Variants in SYN3 observed in about 807,000 individuals in gnomAD.
SYN3 encodes synapsin-3.
In SYN3, 35 loss-of-function variants were observed where a neutral mutation model predicts 65.8. The observed-to-expected ratio is 0.53, with a 90% confidence interval of 0.41 to 0.70. SYN3 has a LOEUF of 0.70. SYN3 is among the 30% of genes least tolerant of loss of function. The probability of loss-of-function intolerance (pLI) is 0.00; values close to 1 mark genes in which losing one functional copy is unlikely to be tolerated. For synonymous variants in SYN3, 270 were observed against 292.9 expected, an observed-to-expected ratio of 0.92 and a Z score of 0.80; for missense variants, 680 against 749.0, an observed-to-expected ratio of 0.91 and a Z score of 1.08.
chr22:32,749,716 GTCT>G (rs2045054439), intron 6 of SYN3, among the ~76,000 whole-genome samples: 2 of 152,126 alleles, frequency 1.3e-5, no homozygotes, highest in African/African-American at 2.4e-5. Flanking sequence ...TACGGCATTA[GTCT>G]TCTCTGAAGA....
chr22:32,765,997 TGA>T (rs1008495867), intron 6 of SYN3, among the ~76,000 whole-genome samples: 19 of 152,188 alleles, frequency 1.2e-4, no homozygotes, highest in Admixed American at 6.5e-5. Flanking sequence ...TTTGTCCAGA[TGA>T]GAGAGGCTGG....
chr22:32,737,424 T>C lies in SYN3; in HGVS notation c.711+127491A>G, dbSNP rs536498231. On this transcript the variant is annotated intron_variant, in intron 6 of 13. Coordinates refer to ENST00000358763, the MANE Select transcript of SYN3 (RefSeq NM_003490.4). ...TTGGTGTGCTGCACCCATTAACTCG[T>C]CATTTAACCTTAGGTATATCTCCTA... 2.3e-3 allele frequency among the ~76,000 whole-genome samples: 344 copies of C among 152,254 alleles called. 7 individuals are homozygous for C. Among genetic ancestry groups the C allele is most frequent in the Non-Finnish European group, 3.1e-3 (212 of 68,032 alleles).
chr22:33,013,218 G>A (rs1334324388), intron 1 of SYN3, among the ~76,000 whole-genome samples: 3 of 152,150 alleles, frequency 2.0e-5, no homozygotes, highest in Admixed American at 6.5e-5. Flanking sequence ...GTTAGTCAAA[G>A]GCTTCTCAGG....
chr22:32,946,380 G>A (rs1189977968), intron 3 of SYN3, among the ~76,000 whole-genome samples: 6 of 152,120 alleles, frequency 3.9e-5, no homozygotes, highest in Non-Finnish European at 7.3e-5. Flanking sequence ...GGATGAGTTC[G>A]TGTCCTTTGT....
At chr22:32,739,920 AC>A (rs2061383344) in intron 6 of SYN3, among the ~76,000 whole-genome samples, 1 of 152,234 alleles carries the variant, frequency 6.6e-6, no homozygotes, top group South Asian at 2.1e-4. Context: ...GTCCTGCTGC[AC>A]CCCCTACACA....
intron 6 of SYN3, among the ~76,000 whole-genome samples, chr22:32,708,730 T>C (rs2060913728): frequency 6.6e-6 from 1 of 152,136 alleles, no homozygotes; most frequent in African/African-American, 2.4e-5. Context: ...CACACCTTCT[T>C]CCAAGAGGAA....
intron 4 of SYN3, among the ~76,000 whole-genome samples, chr22:32,872,551 A>G (rs2048876738): frequency 6.6e-6 from 1 of 152,196 alleles, no homozygotes; most frequent in Admixed American, 6.5e-5. Context: ...AGCACTTCCT[A>G]TGCACAATAT....
intron 6 of SYN3, among the ~76,000 whole-genome samples, chr22:32,854,563 C>T (rs1165291688): frequency 3.3e-5 from 5 of 152,110 alleles, no homozygotes; most frequent in East Asian, 1.9e-4. Flanking sequence ...AGAAGTTGCT[C>T]GGCACAGAAG....
rs546569507 is a variant in SYN3 at position 32,980,655 on chromosome 22, C to T, written c.359G>A (p.Arg120Gln). 46 of 1,614,018 alleles carry T rather than the reference C, an allele frequency of 2.9e-5. No homozygotes were observed. Among genetic ancestry groups the T allele is most frequent in the Non-Finnish European group, 3.6e-5 (42 of 1,179,928 alleles). Residue 120 changes from arginine (R) to glutamine (Q), a missense_variant, in exon 3 of 14, where the codon CGA (arginine) becomes CAA (glutamine). Arg to Gln is a conservative substitution (Grantham distance 43). Coordinates refer to ENST00000358763, the MANE Select transcript of SYN3 (RefSeq NM_003490.4). ...ACAGCTCCCACCTACCTGCTCCACT[C>T]GGATCTCAATCTCTCCATTCACCTT... ...GKKVNGEIEI[R>Q]VEQAEFSELN... is the part of the protein sequence containing the mutation.
intron 7 of SYN3, among the ~76,000 whole-genome samples, chr22:32,549,880 C>T (rs1375317277): frequency 9.8e-6 from 1 of 102,072 alleles, no homozygotes; most frequent in Non-Finnish European, 1.9e-5. Flanking sequence ...CACAGCGAGA[C>T]TCTGTCTCAA....
intron 6 of SYN3, among the ~76,000 whole-genome samples, chr22:32,700,413 G>A (rs2060795640): frequency 6.6e-6 from 1 of 152,108 alleles, no homozygotes; most frequent in South Asian, 2.1e-4. Flanking sequence ...TTGTAAACAA[G>A]GGAGGGTCAT....
At position 32,864,983 on chromosome 22, in the gene SYN3, A is replaced by T. The variant is rs749644098; in HGVS notation, c.643T>A (p.Phe215Ile). The change falls in exon 6 of 14, where the codon TTC becomes ATC. Residue 215 changes from phenylalanine (F) to isoleucine (I), a missense_variant. Phe to Ile is a conservative substitution (Grantham distance 21). Transcript: ENST00000358763. ...AACTTCTCAGGACCCAGGGAATGGAAGATCTTAATGAGCTGAGAGAACTAG... is the reference window on the plus strand; with the variant it reads ...AACTTCTCAGGACCCAGGGAATGGATGATCTTAATGAGCTGAGAGAACTAG... Reference protein sequence around the residue: ...PWVFSQLIKIFHSLGPEKFPL... With the variant: ...PWVFSQLIKIIHSLGPEKFPL... 1.7e-5 allele frequency: 28 copies of T among 1,613,958 alleles called. No homozygotes were observed. Among genetic ancestry groups the T allele is most frequent in the Non-Finnish European group, 2.1e-5 (25 of 1,179,926 alleles).
At chr22:32,985,574 G>A (rs1267066572) in intron 2 of SYN3, among the ~76,000 whole-genome samples, 3 of 152,184 alleles carry the variant, frequency 2.0e-5, no homozygotes, top group African/African-American at 4.8e-5. Flanking sequence ...TCTGCTCAAA[G>A]TCACACGAGT....
At chr22:32,688,275 C>T (rs1165122671) in intron 6 of SYN3, among the ~76,000 whole-genome samples, 2 of 152,308 alleles carry the variant, frequency 1.3e-5, no homozygotes, top group African/African-American at 4.8e-5. Flanking sequence ...AGAACATAAA[C>T]TCCCAATCCT....
chr22:32,526,155 AAC>A (rs113827232), intron 12 of SYN3, among the ~76,000 whole-genome samples: 3 of 152,198 alleles, frequency 2.0e-5, no homozygotes, highest in African/African-American at 7.2e-5. Flanking sequence ...GTGTAGTGTA[AAC>A]ATAGCTTTTA....
intron 1 of SYN3, among the ~76,000 whole-genome samples, chr22:33,054,467 TC>T (rs2054223333): frequency 6.6e-6 from 1 of 152,216 alleles, no homozygotes; most frequent in East Asian, 1.9e-4. Context: ...GCATTTACTA[TC>T]CTCATGATGA....
chr22:32,615,763 G>C (rs537855124), intron 6 of SYN3, among the ~76,000 whole-genome samples: 8 of 152,208 alleles, frequency 5.3e-5, no homozygotes, highest in Non-Finnish European at 1.0e-4. Flanking sequence ...TTTCCCACCT[G>C]TCTGCAGGGA....
At chr22:32,814,181 A>AG (rs1555969972) in intron 6 of SYN3, among the ~76,000 whole-genome samples, 3,219 of 109,580 alleles carry the variant, frequency 0.029, 57 homozygotes, top group Non-Finnish European at 0.034. Context: ...AGAAAGAAAG[A>AG]AAAGAAAGAA....
At chr22:32,894,976 G>A (rs1198682006) in intron 4 of SYN3, among the ~76,000 whole-genome samples, 1 of 152,206 alleles carries the variant, frequency 6.6e-6, no homozygotes, top group Non-Finnish European at 1.5e-5. Flanking sequence ...AGAAGAGGCA[G>A]ATGAAAAATA....
Sources: gnomAD v4.1 joint callset for allele counts (sites outside exome capture counted in the v4.1 genomes callset) on GRCh38, gnomAD v4.1.1 for gene constraint, MANE v1.5 for transcripts, NCBI Gene and HGNC (gene_info 2026-07-23, HGNC 2026-07-21) for gene names.